The following TRIO variants were observed in gnomAD, a reference collection of about 807,000 sequenced individuals.
TRIO encodes the protein triple functional domain protein.
In TRIO, 58 loss-of-function variants were observed where a neutral mutation model predicts 351.9. The observed-to-expected ratio is 0.16, with a 90% CI of 0.13 to 0.21. The LOEUF (loss-of-function observed/expected upper bound fraction) is 0.21. TRIO is among the 10% of genes least tolerant of loss of function. The pLI is 1.00. For synonymous variants in TRIO, 1,758 were observed against 1,595.7 expected (o/e 1.10, Z -2.42); for missense variants, 3,201 against 4,027.8 (o/e 0.79, Z 5.56).
chr5:14,262,453 A>G (rs1795405495), intron 1 of TRIO, among the ~76,000 whole-genome samples: 1 of 152,184 alleles, frequency 6.6e-6, no homozygotes, highest in South Asian at 2.1e-4. Flanking sequence ...TGGAGGCAGC[A>G]TACATCAGAT....
intron 34 of TRIO, among the ~76,000 whole-genome samples, chr5:14,457,916 C>T (rs1463641916): frequency 6.6e-6 from 1 of 152,128 alleles, no homozygotes; most frequent in Non-Finnish European, 1.5e-5. Context: ...AACTTACAGG[C>T]CCAAAAATGT....
At chr5:14,196,139 G>C (rs1790755529) in intron 1 of TRIO, among the ~76,000 whole-genome samples, 1 of 152,152 alleles carries the variant, frequency 6.6e-6, no homozygotes, top group Admixed American at 6.5e-5. Context: ...TTTGTTGTGA[G>C]GCTAGGCATG....
At chr5:14,316,815 T>G in intron 9 of TRIO, 72 bp downstream of exon 9, 1 of 1,454,972 alleles carries the variant, frequency 6.9e-7, no homozygotes, top group Non-Finnish European at 9.4e-7. Context: ...CATCATCATA[T>G]TGGGAAGATC....
chr5:14,153,986 C>G (rs548842938), intron 1 of TRIO, among the ~76,000 whole-genome samples: 4 of 152,188 alleles, frequency 2.6e-5, no homozygotes, highest in Non-Finnish European at 5.9e-5. Context: ...AATTTAGTTT[C>G]TGTGCCTTTC....
chr5:14,181,372 C>G (rs1364913145), intron 1 of TRIO, among the ~76,000 whole-genome samples: 1 of 152,202 alleles, frequency 6.6e-6, no homozygotes, highest in Admixed American at 6.5e-5. Context: ...TTCACCCGAG[C>G]CCAGACAAAT....
At position 14,182,875 on chromosome 5, in the gene TRIO, C is replaced by G. The variant is rs962893947; in HGVS notation, c.157+38993C>G. ...AATACAGTGGAGACCCCCCCCCCTC[C>G]ACTTTGCCGTGCACTTTGTTCTAGA... On this transcript the variant is annotated intron_variant, in intron 1 of 56. Transcript: ENST00000344204. Among the ~76,000 whole-genome samples, 26 of 148,088 alleles carry G rather than the reference C, an allele frequency of 1.8e-4. 1 individual carries two copies. Among genetic ancestry groups the G allele is most frequent in the Admixed American group, 4.7e-4 (7 of 14,950 alleles).
intron 1 of TRIO, among the ~76,000 whole-genome samples, chr5:14,208,654 C>T (rs563277084): frequency 6.6e-6 from 1 of 152,320 alleles, no homozygotes; most frequent in South Asian, 2.1e-4. Context: ...AACAGAAAGT[C>T]TAACTGAAGA....
intron 31 of TRIO, among the ~76,000 whole-genome samples, chr5:14,404,163 G>A (rs998818649): frequency 1.3e-5 from 2 of 151,890 alleles, no homozygotes; most frequent in Non-Finnish European, 1.5e-5. Flanking sequence ...TAGAGAACGT[G>A]ATGGGAATGG....
At chr5:14,287,627 C>G (rs1483165986) in intron 4 of TRIO, among the ~76,000 whole-genome samples, 1 of 152,138 alleles carries the variant, frequency 6.6e-6, no homozygotes, top group African/African-American at 2.4e-5. Flanking sequence ...AGACAAAACC[C>G]TCAGCCCACT....
intron 34 of TRIO, among the ~76,000 whole-genome samples, chr5:14,448,844 G>A (rs1456902891): frequency 6.6e-6 from 1 of 152,104 alleles, no homozygotes; most frequent in African/African-American, 2.4e-5. Flanking sequence ...TCCCCTCCCA[G>A]TAATCACTGG....
At chr5:14,293,261 CT>C in intron 6 of TRIO, 127 bp downstream of exon 6, 2 of 1,325,192 alleles carry the variant, frequency 1.5e-6, no homozygotes, top group African/African-American at 1.5e-5. Context: ...AGCAGCTGAC[CT>C]TCACATGGAG....
intron 6 of TRIO, among the ~76,000 whole-genome samples, chr5:14,294,216 A>AG (rs1330188015): frequency 3.3e-5 from 5 of 152,166 alleles, no homozygotes; most frequent in Non-Finnish European, 7.3e-5. Flanking sequence ...AGCAATATGA[A>AG]GACAGGGTTT....
intron 34 of TRIO, among the ~76,000 whole-genome samples, chr5:14,460,079 C>G (rs1753659265): frequency 2.0e-5 from 3 of 152,056 alleles, no homozygotes; most frequent in Admixed American, 6.5e-5. Context: ...CCACACCCGG[C>G]TAATTTTTTT....
chr5:14,165,279 T>A (rs1318662339), intron 1 of TRIO, among the ~76,000 whole-genome samples: 1 of 152,196 alleles, frequency 6.6e-6, no homozygotes, highest in African/African-American at 2.4e-5. Flanking sequence ...CCTCACCCTC[T>A]GGTAGTCCAC....
intron 6 of TRIO, among the ~76,000 whole-genome samples, chr5:14,296,404 G>C (rs751643338): frequency 6.6e-6 from 1 of 152,192 alleles, no homozygotes; most frequent in Non-Finnish European, 1.5e-5. Flanking sequence ...CTGCAAAAAG[G>C]GTGGGTTTTT....
At chr5:14,481,683 A>G in intron 45 of TRIO, 65 bp downstream of exon 45, 1 of 1,520,604 alleles carries the variant, frequency 6.6e-7, no homozygotes, top group Non-Finnish European at 9.0e-7. Context: ...GTCTTGGATT[A>G]TTTCTCTCCA....
rs115493359 is a variant in TRIO at position 14,198,364 on chromosome 5, C to G, written c.157+54482C>G. Among the ~76,000 whole-genome samples the G allele has an allele frequency of 7.4e-3, 1,126 of 152,252 alleles. 20 individuals carry two copies. The highest frequency in any genetic ancestry group is 0.026 in the African/African-American group (1,070 of 41,540). On this transcript the variant is annotated intron_variant, in intron 1 of 56. Coordinates refer to ENST00000344204, the MANE Select transcript of TRIO (RefSeq NM_007118.4). ...GCCCAATCTTCTGTTCCCTTGTGCC[C>G]TGCTCTCTGCCTAACATTTAATTGT...
chr5:14,194,942 A>G (rs561485657), intron 1 of TRIO, among the ~76,000 whole-genome samples: 1 of 152,150 alleles, frequency 6.6e-6, no homozygotes, highest in African/African-American at 2.4e-5. Flanking sequence ...ACCTAGATAA[A>G]CTTTTTTTTT....
chr5:14,199,971 C>T (rs755493323), intron 1 of TRIO, among the ~76,000 whole-genome samples: 10 of 152,240 alleles, frequency 6.6e-5, no homozygotes, highest in Non-Finnish European at 1.5e-4. Flanking sequence ...TCAAGGCCAA[C>T]GGTTATGATT....
Sources: gnomAD v4.1 joint callset for allele counts (sites outside exome capture counted in the v4.1 genomes callset) on GRCh38, gnomAD v4.1.1 for gene constraint, MANE v1.5 for transcripts, NCBI Gene and HGNC (gene_info 2026-07-23, HGNC 2026-07-21) for gene names.